TMEM114: variants seen among roughly 807,000 people sequenced by gnomAD.
TMEM114 encodes the protein claudin-26.
Under a neutral mutation model 6.2 loss-of-function variants are expected in TMEM114, and 6 were observed. The observed-to-expected ratio is 0.97, with a 90% CI of 0.53 to 1.91. The LOEUF (loss-of-function observed/expected upper bound fraction) is 1.91. Ranked by LOEUF, TMEM114 falls within the 40% of genes most tolerant of loss-of-function variation. The pLI is 0.01. For missense variants in TMEM114, 218 were observed against 158.3 expected (o/e 1.38, Z -2.02); for synonymous variants, 104 against 73.0 (o/e 1.42, Z -2.16).
At chr16:8,558,943 C>T (rs1156649885) in intron 2 of TMEM114, among the ~76,000 whole-genome samples, 1 of 151,766 alleles carries the variant, frequency 6.6e-6, no homozygotes, top group Non-Finnish European at 1.5e-5. Flanking sequence ...CGGGGTTTCA[C>T]CATGTTAGCC....
rs545537946 is a variant in TMEM114, at chr16:8,582,568, G to A, written c.301+6645C>T. Reference sequence around the variant, plus strand: ...ACATCACACTGAAACTATACTCAGAGTTGCATTGCTTCAATGGAGTAGAAA... The same window carrying A: ...ACATCACACTGAAACTATACTCAGAATTGCATTGCTTCAATGGAGTAGAAA... On this transcript the variant is annotated intron_variant, in intron 2 of 3. Transcript: ENST00000620492. Among the ~76,000 whole-genome samples, 7 of 152,342 alleles carry A rather than the reference G, an allele frequency of 4.6e-5. 1 individual carries two copies. The South Asian group carries it at 1.4e-3, about 32-fold the overall frequency.
Position 8,538,742 on chromosome 16 carries a change from G to A in TMEM114, n.213-916C>T, listed in dbSNP as rs940153494. 2.0e-5 allele frequency among the ~76,000 whole-genome samples: 3 copies of A among 152,038 alleles called. No individual in the cohort carries two copies. In the South Asian group the frequency reaches 6.2e-4, roughly 32 times the overall value. ...AGGATGGTGTCGATCTCCTGACCTC[G>A]TGATCCGCCCACCTCGGCCTCCCAA... is the stretch of plus-strand genomic sequence containing the variant. On this transcript the variant is annotated intron_variant and non_coding_transcript_variant, in intron 2 of 2. Coordinates refer to the TMEM114 transcript ENST00000623677.
downstream of TMEM114, among the ~76,000 whole-genome samples, chr16:8,536,636 C>G (rs1596463392): frequency 6.6e-6 from 1 of 152,082 alleles, no homozygotes; most frequent in South Asian, 2.1e-4. Flanking sequence ...GATGCTTATT[C>G]TTTTTCTTTT....
At chr16:8,564,386 G>GAGT (rs1901443522) in intron 2 of TMEM114, among the ~76,000 whole-genome samples, 1 of 136,934 alleles carries the variant, frequency 7.3e-6, no homozygotes, top group Admixed American at 7.2e-5. Flanking sequence ...AATGAGTGAG[G>GAGT]GAATGAGTGA....
At chr16:8,540,521 A>T (rs1900486296) in intron 2 of TMEM114, among the ~76,000 whole-genome samples, 1 of 152,258 alleles carries the variant, frequency 6.6e-6, no homozygotes, top group Non-Finnish European at 1.5e-5. Context: ...TATTACTGTT[A>T]TAATAGCACC....
At chr16:8,568,344 G>C (rs1901614788), downstream of TMEM114, among the ~76,000 whole-genome samples, 1 of 152,172 alleles carries the variant, frequency 6.6e-6, no homozygotes, top group South Asian at 2.1e-4. Flanking sequence ...TGACCGACTG[G>C]CGTGGAGAAT....
At chr16:8,567,014 C>T (rs1167582859), downstream of TMEM114, among the ~76,000 whole-genome samples, 2 of 149,888 alleles carry the variant, frequency 1.3e-5, no homozygotes, top group Non-Finnish European at 2.9e-5. Flanking sequence ...GATTCTCCTG[C>T]CTTAGCCTCC....
chr16:8,551,453 A>G (rs1389112453), intron 2 of TMEM114, among the ~76,000 whole-genome samples: 2 of 152,242 alleles, frequency 1.3e-5, no homozygotes, highest in Non-Finnish European at 2.9e-5. Flanking sequence ...ATTAAAAAAC[A>G]AAGATGAAAA....
At chr16:8,567,377 T>G (rs7201849), downstream of TMEM114, among the ~76,000 whole-genome samples, 1 of 152,068 alleles carries the variant, frequency 6.6e-6, no homozygotes, top group African/African-American at 2.4e-5. Context: ...TCTCTGACAC[T>G]GTAGGTATCT....
intron 2 of TMEM114, among the ~76,000 whole-genome samples, chr16:8,548,569 C>G (rs1175805164): frequency 6.6e-6 from 1 of 152,054 alleles, no homozygotes. Context: ...TGCAGGGCCA[C>G]GAACCATTGT....
intron 2 of TMEM114, among the ~76,000 whole-genome samples, chr16:8,575,585 G>A (rs1255579479): frequency 6.6e-6 from 1 of 152,142 alleles, no homozygotes; most frequent in African/African-American, 2.4e-5. Context: ...TGCTCACCAG[G>A]GTTCCAATGT....
At chr16:8,558,987 C>G (rs201987102) in intron 2 of TMEM114, among the ~76,000 whole-genome samples, 1 of 151,866 alleles carries the variant, frequency 6.6e-6, no homozygotes, top group South Asian at 2.1e-4. Context: ...TTGTAATCCA[C>G]CCACCTCAGC....
chr16:8,566,238 A>C (rs1446032287), downstream of TMEM114, among the ~76,000 whole-genome samples: 2 of 152,096 alleles, frequency 1.3e-5, no homozygotes, highest in African/African-American at 4.8e-5. Flanking sequence ...GGCATGGTGC[A>C]TGGTGGTGCG....
chr16:8,570,114 T>G (rs1161603855), intron 3 of TMEM114, 109 bp from the exon 4 acceptor site: 4 of 1,396,140 alleles, frequency 2.9e-6, no homozygotes, highest in Non-Finnish European at 9.6e-7. Flanking sequence ...GCGTCCTCGC[T>G]CCTTCCTGCT....
At chr16:8,557,796 C>T (rs2141665422) in intron 2 of TMEM114, among the ~76,000 whole-genome samples, 1 of 152,336 alleles carries the variant, frequency 6.6e-6, no homozygotes, top group Non-Finnish European at 1.5e-5. Flanking sequence ...AAAGCGCCAT[C>T]ATCATCTGGT....
At chr16:8,527,153 G>A in the TMEM114 span, among the ~76,000 whole-genome samples, 1 of 152,206 alleles carries the variant, frequency 6.6e-6, no homozygotes, top group Non-Finnish European at 1.5e-5. Context: ...GTTGCAGTGA[G>A]CCAAGATCAT....
chr16:8,571,957 A>C, intron 3 of TMEM114, 130 bp downstream of exon 3: 2 of 1,176,918 alleles, frequency 1.7e-6, no homozygotes, highest in Admixed American at 6.4e-5. Flanking sequence ...CTTCCAACTG[A>C]TATCCCAGAA....
downstream of TMEM114, among the ~76,000 whole-genome samples, chr16:8,535,715 G>C (rs1264401102): frequency 6.6e-6 from 1 of 152,122 alleles, no homozygotes; most frequent in Non-Finnish European, 1.5e-5. Flanking sequence ...GCAAATTTTG[G>C]TTCCTGCATA....
At chr16:8,526,859 C>A in the TMEM114 span, among the ~76,000 whole-genome samples, 1 of 152,190 alleles carries the variant, frequency 6.6e-6, no homozygotes, top group African/African-American at 2.4e-5. Context: ...TGGTGCTTTC[C>A]CACCAACCCA....
Sources: allele counts gnomAD v4.1 joint callset (sites outside exome capture counted in the v4.1 genomes callset), GRCh38; gene constraint gnomAD v4.1.1; transcripts MANE v1.5; gene names NCBI Gene and HGNC (gene_info 2026-07-23, HGNC 2026-07-21).